Variants in ABCB1 observed in about 807,000 individuals in gnomAD.
ABCB1 encodes ATP-dependent translocase ABCB1.
ABCB1 carries 69 observed loss-of-function variants against 142.0 expected under a neutral mutation model. The ratio of observed to expected loss-of-function variants is 0.49; its 90% CI spans 0.40 to 0.59. The LOEUF is 0.59. Among genes scored for constraint, ABCB1 ranks in the 20% least tolerant of loss-of-function variants. The probability of loss-of-function intolerance (pLI) is 0.00; values close to 1 mark genes in which losing one functional copy is unlikely to be tolerated. For synonymous variants in ABCB1, 532 were observed against 539.2 expected, an observed-to-expected ratio of 0.99 and a Z score of 0.18; for missense variants, 1,326 against 1,554.7, an observed-to-expected ratio of 0.85 and a Z score of 2.47.
At chr7:87,705,895 A>C (rs1283029112) in intron 1 of ABCB1, among the ~76,000 whole-genome samples, 2 of 152,182 alleles carry the variant, frequency 1.3e-5, no homozygotes, top group Non-Finnish European at 2.9e-5. Flanking sequence ...AACTGATTTC[A>C]AGTTCAAGAA....
chr7:87,556,050 GCT>G (rs1817293360), intron 8 of ABCB1, among the ~76,000 whole-genome samples: 2 of 152,140 alleles, frequency 1.3e-5, no homozygotes, highest in Admixed American at 1.3e-4. Flanking sequence ...TTTTCCATAA[GCT>G]CTTTGTTGTT....
In ABCB1 at chr7:87,666,472, G is replaced by T. The variant is rs139488326; in HGVS notation, c.-331+46689C>A. On this transcript the variant is annotated intron_variant, in intron 1 of 28. Transcript: ENST00000265724. ...TACTCTGTGGATAGTTTCCTTTGCTGCACAGAAGCTCTTAAGTTTAATTAG... is the reference window on the plus strand; with the variant it reads ...TACTCTGTGGATAGTTTCCTTTGCTTCACAGAAGCTCTTAAGTTTAATTAG... Among the ~76,000 whole-genome samples the T allele has an allele frequency of 3.0e-3, 455 of 152,154 alleles. 2 individuals are homozygous for T. The highest frequency in any genetic ancestry group is 0.011 in the African/African-American group (437 of 41,522).
chr7:87,711,079 C>A (rs1427136550), intron 1 of ABCB1, among the ~76,000 whole-genome samples: 1 of 152,020 alleles, frequency 6.6e-6, no homozygotes, highest in Non-Finnish European at 1.5e-5. Context: ...ATAATCCCAG[C>A]ACTTTGGGAG....
At chr7:87,636,943 C>T (rs1821833384) in intron 1 of ABCB1, among the ~76,000 whole-genome samples, 1 of 152,248 alleles carries the variant, frequency 6.6e-6, no homozygotes, top group South Asian at 2.1e-4. Context: ...GGGAAGTAAA[C>T]ATGTCCTTCT....
chr7:87,650,734 C>CT lies in ABCB1; in HGVS notation c.-330-49657dup, dbSNP rs925150847. 31 of 752,176 alleles carry CT rather than the reference C, an allele frequency of 4.1e-5. No homozygotes were observed. In the Admixed American group the frequency reaches 6.4e-4, roughly 16 times the overall value. The allele number at this position is 752,176 out of a possible 1,614,324, so 46.6% of individuals were successfully genotyped here. On this transcript the variant is annotated intron_variant, in intron 1 of 28. Transcript: ENST00000265724. Reference sequence around the variant, plus strand: ...ACTCTTGTAAAATATTTTTACAACTCTTCCCCAAATTGCCTTCCTCCCATT... The same window carrying CT: ...ACTCTTGTAAAATATTTTTACAACTCTTTCCCCAAATTGCCTTCCTCCCATT...
At chr7:87,515,031 G>T (rs1815165412) in intron 25 of ABCB1, among the ~76,000 whole-genome samples, 200 bp downstream of exon 25, 1 of 152,204 alleles carries the variant, frequency 6.6e-6, no homozygotes, top group East Asian at 1.9e-4. Context: ...AGGGTAGAGG[G>T]GTAGTGTTGA....
chr7:87,522,133 C>T (rs778187587), intron 21 of ABCB1: 22 of 1,386,900 alleles, frequency 1.6e-5, no homozygotes, highest in Middle Eastern at 2.4e-4. Context: ...CTTCAGTGGT[C>T]ATTGTGGCTT....
chr7:87,697,431 A>G (rs1585130016), intron 1 of ABCB1, among the ~76,000 whole-genome samples: 1 of 152,238 alleles, frequency 6.6e-6, no homozygotes, highest in Non-Finnish European at 1.5e-5. Context: ...ATGATCCCAG[A>G]TAATAGAAGT....
At chr7:87,701,488 A>T (rs908268831) in intron 1 of ABCB1, among the ~76,000 whole-genome samples, 1 of 152,258 alleles carries the variant, frequency 6.6e-6, no homozygotes, top group African/African-American at 2.4e-5. Flanking sequence ...TCAACATTTG[A>T]TGGAACTGCA....
intron 1 of ABCB1, among the ~76,000 whole-genome samples, chr7:87,632,460 T>A (rs1203822622): frequency 6.6e-6 from 1 of 152,198 alleles, no homozygotes; most frequent in Non-Finnish European, 1.5e-5. Flanking sequence ...TTTCATCAGA[T>A]AAGTACTGTT....
At chr7:87,698,133 T>G (rs1356451454) in intron 1 of ABCB1, among the ~76,000 whole-genome samples, 1 of 152,222 alleles carries the variant, frequency 6.6e-6, no homozygotes, top group Non-Finnish European at 1.5e-5. Flanking sequence ...GAAGTCTCAC[T>G]CTGTCACCCA....
intron 17 of ABCB1, among the ~76,000 whole-genome samples, chr7:87,543,860 G>GT (rs1816652642): frequency 6.6e-6 from 1 of 152,182 alleles, no homozygotes; most frequent in Admixed American, 6.5e-5. Flanking sequence ...GTATGAGAAA[G>GT]TCATCTCATC....
intron 7 of ABCB1, among the ~76,000 whole-genome samples, chr7:87,563,762 T>C (rs1253973636): frequency 2.0e-5 from 3 of 151,700 alleles, no homozygotes; most frequent in African/African-American, 7.3e-5. Flanking sequence ...GGAATCAACC[T>C]AAATGCCCAT....
At position 87,588,431 on chromosome 7, in the gene ABCB1, G is replaced by A. The variant is rs191896659; in HGVS notation, c.118-2751C>T. The stretch of plus-strand genomic sequence containing the variant: ...TCCCACTTTTAAGTGAGAACATGTG[G>A]TGTTTGGTTTTCTGTTCCTGTATTA... On this transcript the variant is annotated intron_variant, in intron 3 of 27. Transcript: ENST00000622132. Among the ~76,000 whole-genome samples, 12 of 152,290 alleles carry A rather than the reference G, an allele frequency of 7.9e-5. No homozygotes were observed. The East Asian group carries it at 2.1e-3, about 27-fold the overall frequency.
intron 21 of ABCB1, chr7:87,522,142 T>G: frequency 1.4e-6 from 2 of 1,436,866 alleles, no homozygotes; most frequent in Non-Finnish European, 1.9e-6. Flanking sequence ...TCATTGTGGC[T>G]TTGGTGGCAG....
chr7:87,519,225 C>G, intron 23 of ABCB1, 101 bp downstream of exon 23: 1 of 1,185,282 alleles, frequency 8.4e-7, no homozygotes, highest in Admixed American at 1.8e-5. Flanking sequence ...TCACCAGAAT[C>G]TCTTCATGAG....
In ABCB1 at chr7:87,566,887, T is replaced by C. The variant is rs1046070012; in HGVS notation, c.428A>G (p.Gln143Arg). Residue 143 changes from glutamine to arginine, a missense_variant, in exon 6 of 28, where the codon CAA becomes CGA. Transcript: ENST00000622132. ...VSFWCLAAGRQIHKIRKQFFH... is the reference protein window; with the variant it reads ...VSFWCLAAGRRIHKIRKQFFH... ...AAACTGTTTTCTAATTTTGTGTATT[T>C]GTCTTCCAGCTGCCAGGCACCAAAA... 3 of 1,614,070 alleles carry C rather than the reference T, an allele frequency of 1.9e-6. No homozygotes were observed. Among genetic ancestry groups the C allele is most frequent in the African/African-American group, 1.3e-5 (1 of 74,908 alleles).
intron 4 of ABCB1, among the ~76,000 whole-genome samples, chr7:87,579,588 G>A (rs944705507): frequency 1.3e-5 from 2 of 151,556 alleles, no homozygotes; most frequent in African/African-American, 4.8e-5. Flanking sequence ...ATTTTAATGT[G>A]TTTTTTTTAA....
chr7:87,654,145 T>C (rs892454177), intron 1 of ABCB1, among the ~76,000 whole-genome samples: 4 of 151,992 alleles, frequency 2.6e-5, no homozygotes, highest in African/African-American at 9.7e-5. Flanking sequence ...AAAATGTTTA[T>C]ATTAACAATC....
Sources: allele counts gnomAD v4.1 joint callset (sites outside exome capture counted in the v4.1 genomes callset), GRCh38; gene constraint gnomAD v4.1.1; transcripts MANE v1.5; gene names NCBI Gene and HGNC (gene_info 2026-07-23, HGNC 2026-07-21).